Variants in CPA6 observed in about 807,000 individuals in gnomAD.
CPA6 encodes the protein carboxypeptidase A6.
A neutral mutation model predicts 63.3 loss-of-function variants in CPA6; 58 were observed. The observed-to-expected ratio is 0.92, with a 90% CI of 0.74 to 1.14. The LOEUF (loss-of-function observed/expected upper bound fraction) is 1.14, where lower values mean the gene tolerates loss of function less well. CPA6 is among the 50% of genes most tolerant of loss of function. The pLI, the probability that CPA6 is intolerant of heterozygous loss-of-function variation, is 0.00. For synonymous variants in CPA6, 185 were observed against 179.0 expected, an observed-to-expected ratio of 1.03 and a Z score of -0.27; for missense variants, 565 against 526.6, an observed-to-expected ratio of 1.07 and a Z score of -0.71.
chr8:67,444,922 A>G (rs374664750), intron 8 of CPA6, among the ~76,000 whole-genome samples: 19 of 152,326 alleles, frequency 1.2e-4, no homozygotes, highest in African/African-American at 4.3e-4. Context: ...ACCACAAGAT[A>G]CTGATGTCAG....
At chr8:67,679,952 G>A (rs529434517) in intron 1 of CPA6, among the ~76,000 whole-genome samples, 20 of 152,222 alleles carry the variant, frequency 1.3e-4, no homozygotes, top group African/African-American at 3.4e-4. Context: ...GCTGTGTATC[G>A]TTTTTCATGG....
chr8:67,710,882 G>A (rs1817245753), intron 1 of CPA6, among the ~76,000 whole-genome samples: 1 of 152,158 alleles, frequency 6.6e-6, no homozygotes, highest in Non-Finnish European at 1.5e-5. Context: ...ATGTAAAATA[G>A]TCACATATAA....
intron 2 of CPA6, among the ~76,000 whole-genome samples, chr8:67,547,295 C>T (rs994764704): frequency 3.3e-5 from 5 of 152,214 alleles, no homozygotes; most frequent in African/African-American, 1.2e-4. Context: ...ATCCGCCCGC[C>T]TCGGCCTCCC....
intron 6 of CPA6, among the ~76,000 whole-genome samples, chr8:67,490,920 C>G (rs1260890957): frequency 6.6e-6 from 1 of 152,056 alleles, no homozygotes; most frequent in East Asian, 1.9e-4. Flanking sequence ...GTGTTAATGG[C>G]TTTTAAAAAG....
chr8:67,593,464 T>A (rs903850798), intron 2 of CPA6, among the ~76,000 whole-genome samples: 1 of 152,230 alleles, frequency 6.6e-6, no homozygotes, highest in African/African-American at 2.4e-5. Flanking sequence ...CTTGTTGATC[T>A]GTCTAATGTT....
At chr8:67,456,677 C>T (rs980349664) in intron 8 of CPA6, among the ~76,000 whole-genome samples, 5 of 152,054 alleles carry the variant, frequency 3.3e-5, no homozygotes, top group Admixed American at 2.0e-4. Flanking sequence ...GAAATAATGG[C>T]CCCCCAAAAT....
intron 8 of CPA6, among the ~76,000 whole-genome samples, chr8:67,448,540 A>G (rs2047835): frequency 0.24 from 36,479 of 149,236 alleles, 5,125 homozygotes; most frequent in African/African-American, 0.39. Context: ...GCTGGGGTGG[A>G]AGTATCACCT....
At chr8:67,512,482 T>G (rs1197988057) in intron 3 of CPA6, among the ~76,000 whole-genome samples, 2 of 152,214 alleles carry the variant, frequency 1.3e-5, no homozygotes, top group African/African-American at 2.4e-5. Flanking sequence ...TGAATGCATT[T>G]GGAAATTAAA....
At chr8:67,563,218 C>T (rs1471924959) in intron 2 of CPA6, among the ~76,000 whole-genome samples, 3 of 151,914 alleles carry the variant, frequency 2.0e-5, no homozygotes, top group Non-Finnish European at 4.4e-5. Flanking sequence ...TTGGTGTTAA[C>T]TAAAACAGAG....
At chr8:67,668,897 C>T (rs900877796) in intron 1 of CPA6, among the ~76,000 whole-genome samples, 1 of 152,152 alleles carries the variant, frequency 6.6e-6, no homozygotes, top group Non-Finnish European at 1.5e-5. Context: ...GAGGAAGTTT[C>T]TTAAAAGAGG....
chr8:67,724,435 C>T (rs537297332), intron 1 of CPA6, among the ~76,000 whole-genome samples: 18 of 152,334 alleles, frequency 1.2e-4, no homozygotes, highest in African/African-American at 2.6e-4. Context: ...AAGCCAAAAG[C>T]TTATATTCAG....
rs55676882 is a variant in CPA6 at position 67,692,328 on chromosome 8, CAAAAAAAAAA to C, written c.116+53676_116+53685del. On this transcript the variant is annotated intron_variant, in intron 1 of 10. Coordinates refer to ENST00000297770, the MANE Select transcript of CPA6 (RefSeq NM_020361.5). ...GGGCAACAAGAGTGAAATCCTGTCT[CAAAAAAAAAA>C]AAAAAAAAAAAAAGAACAAGAGATT... Among the ~76,000 whole-genome samples, 254 of 89,978 alleles carry C rather than the reference CAAAAAAAAAA, an allele frequency of 2.8e-3. 1 individual carries two copies. Among genetic ancestry groups the C allele is most frequent in the African/African-American group, 9.1e-3 (233 of 25,576 alleles). 59.0% of individuals were successfully genotyped at this position (89,978 alleles called of 152,430 possible). A position where few individuals can be genotyped will look rare whatever the true frequency, so the allele number is the denominator to read the frequency against.
At chr8:67,687,762 C>T (rs1563393398) in intron 1 of CPA6, among the ~76,000 whole-genome samples, 1 of 151,968 alleles carries the variant, frequency 6.6e-6, no homozygotes, top group African/African-American at 2.4e-5. Context: ...GCCTCAGTTT[C>T]CTTGTCTATA....
chr8:67,513,158 A>C (rs1309968734), intron 3 of CPA6, among the ~76,000 whole-genome samples: 1 of 152,162 alleles, frequency 6.6e-6, no homozygotes. Flanking sequence ...TCAAAATGTG[A>C]GTGGGAGGTT....
intron 2 of CPA6, among the ~76,000 whole-genome samples, chr8:67,566,133 T>C (rs1255133549): frequency 3.3e-5 from 5 of 152,166 alleles, no homozygotes; most frequent in African/African-American, 4.8e-5. Flanking sequence ...AATTCTCCAG[T>C]GTTCTTTTGT....
At chr8:67,622,240 GAA>G (rs767601198) in intron 2 of CPA6, among the ~76,000 whole-genome samples, 1 of 152,188 alleles carries the variant, frequency 6.6e-6, no homozygotes, top group African/African-American at 2.4e-5. Context: ...GGTGGTATAT[GAA>G]AACACAATTT....
At chr8:67,599,243 C>A (rs1279813420) in intron 2 of CPA6, among the ~76,000 whole-genome samples, 1 of 152,224 alleles carries the variant, frequency 6.6e-6, no homozygotes, top group African/African-American at 2.4e-5. Context: ...CTACGTTAGT[C>A]CATTTATATC....
At chr8:67,732,691 A>C (rs1817729229) in intron 1 of CPA6, 1 of 152,428 alleles carries the variant, frequency 6.6e-6, no homozygotes, top group African/African-American at 2.4e-5. Flanking sequence ...GGTTTGAGAA[A>C]GGTGGGCAGA....
chr8:67,576,743 G>A (rs150846278), intron 2 of CPA6, among the ~76,000 whole-genome samples: 2 of 152,122 alleles, frequency 1.3e-5, no homozygotes, highest in African/African-American at 2.4e-5. Flanking sequence ...GAGTGCTATA[G>A]GATGCATTCT....
Sources: gnomAD v4.1 joint callset for allele counts (sites outside exome capture counted in the v4.1 genomes callset) on GRCh38, gnomAD v4.1.1 for gene constraint, MANE v1.5 for transcripts, NCBI Gene and HGNC (gene_info 2026-07-23, HGNC 2026-07-21) for gene names.